Variants in PTX3 observed in about 807,000 individuals in gnomAD.
PTX3 encodes pentraxin-related protein PTX3.
In PTX3, 24 loss-of-function variants were observed where a neutral mutation model predicts 23.5. The ratio of observed to expected loss-of-function variants is 1.02; its 90% CI spans 0.74 to 1.43. The LOEUF is 1.43. Among genes scored for constraint, PTX3 ranks in the 40% most tolerant of loss-of-function variants. The probability of loss-of-function intolerance (pLI) is 0.00; values close to 1 mark genes in which losing one functional copy is unlikely to be tolerated. For synonymous variants in PTX3, 218 were observed against 205.4 expected (o/e 1.06, Z -0.53); for missense variants, 510 against 497.5 (o/e 1.02, Z -0.24).
chr3:157,442,930 G>A lies in PTX3; in HGVS notation c.1097G>A (p.Trp366Ter). 2 of 1,614,016 alleles carry A rather than the reference G, an allele frequency of 1.2e-6. No homozygotes were observed. The highest frequency in any genetic ancestry group is 2.2e-5 in the East Asian group (1 of 44,888). Residue 366 changes from tryptophan (W) to a stop codon, truncating the protein, a stop_gained, in exon 3 of 3, where the codon TGG becomes TAG. Transcript: ENST00000295927. LOFTEE classifies it high-confidence loss of function. ...SCHIRGNIVG[W>*]GVTEIQPHGG... is the part of the protein sequence containing the mutation. ...CACATCCGGGGGAATATTGTTGGGTGGGGAGTCACAGAGATCCAGCCACAT... is the reference window on the plus strand; with the variant it reads ...CACATCCGGGGGAATATTGTTGGGTAGGGAGTCACAGAGATCCAGCCACAT...
At chr3:157,439,850 A>T (rs966960607) in intron 2 of PTX3, among the ~76,000 whole-genome samples, 1 of 151,950 alleles carries the variant, frequency 6.6e-6, no homozygotes, top group African/African-American at 2.4e-5. Context: ...TCCCGGGTTC[A>T]CTCCATTCTC....
At chr3:157,437,173 C>T in intron 1 of PTX3, 110 bp downstream of exon 1, 1 of 1,407,042 alleles carries the variant, frequency 7.1e-7, no homozygotes, top group Non-Finnish European at 9.9e-7. Flanking sequence ...AAATTTATAG[C>T]TTGTTATGCA....
At position 157,442,646 on chromosome 3, in the gene PTX3, C is replaced by A; in HGVS notation, c.813C>A (p.Cys271Ter). 3.7e-6 allele frequency: 6 copies of A among 1,614,140 alleles called. No individual in the cohort carries two copies. The highest frequency in any genetic ancestry group is 5.1e-6 in the Non-Finnish European group (6 of 1,180,028). ...CCCTGGGAAGGTGGACCCACCTGTG[C>A]GGCACCTGGAATTCAGAGGAAGGGC... ...MVSLGRWTHL[C>*]GTWNSEEGLT... The change falls in exon 3 of 3, where the codon TGC becomes TGA. Residue 271 changes from cysteine (C) to a stop codon, truncating the protein, a stop_gained. Transcript: ENST00000295927. LOFTEE classifies it high-confidence loss of function.
In PTX3 at chr3:157,441,809, C is replaced by CAA. The variant is rs34525960; in HGVS notation, c.533-543_533-542dup. Among the ~76,000 whole-genome samples the CAA allele has an allele frequency of 3.2e-3, 396 of 125,412 alleles. 3 individuals carry two copies. Among genetic ancestry groups the CAA allele is most frequent in the South Asian group, 9.2e-3 (37 of 4,012 alleles). 82.3% of individuals were successfully genotyped at this position (125,412 alleles called of 152,430 possible). A position where few individuals can be genotyped will look rare whatever the true frequency, so the allele number is the denominator to read the frequency against. ...TGGGTGACAGAGTGAGACTCTGTCT[C>CAA]AAAAAAAAAAAAAAATGTATTCTGC... On this transcript the variant is annotated intron_variant, in intron 2 of 2. Transcript: ENST00000295927.
At position 157,436,878 on chromosome 3, in the gene PTX3, C is replaced by A; in HGVS notation, c.-56C>A. The A allele has an allele frequency of 1.3e-6, 2 of 1,586,484 alleles. No individual in the cohort carries two copies. Among genetic ancestry groups the A allele is most frequent in the Non-Finnish European group, 1.7e-6 (2 of 1,163,414 alleles). Reference sequence around the variant, plus strand: ...CTCACTCTCCTCCGCTCAAACTCAGCTCACTTGAGAGTCTCCTCCCGCCAG... The same window carrying A: ...CTCACTCTCCTCCGCTCAAACTCAGATCACTTGAGAGTCTCCTCCCGCCAG... On this transcript the variant is annotated 5_prime_UTR_variant, in exon 1 of 3. Transcript: ENST00000295927.
At position 157,437,867 on chromosome 3, in the gene PTX3, A is replaced by C; in HGVS notation, c.485A>C (p.Asp162Ala). The change falls in exon 2 of 3, where the codon GAC becomes GCC. Residue 162 changes from aspartate (D) to alanine (A), a missense_variant. By Grantham distance (126) the Asp-to-Ala change is moderately radical. Coordinates refer to ENST00000295927, the MANE Select transcript of PTX3 (RefSeq NM_002852.4). ...VLEELRQTRA[D>A]LHAVQGWAAR... ...GAGGAGCTGCGGCAGACGCGAGCCG[A>C]CCTGCACGCGGTGCAGGGCTGGGCT... 1 of 1,502,766 alleles carries C rather than the reference A, an allele frequency of 6.7e-7. No homozygotes were observed. The highest frequency in any genetic ancestry group is 1.4e-5 in the African/African-American group (1 of 69,228). 93.1% of individuals were successfully genotyped at this position (1,502,766 alleles called of 1,614,324 possible).
At chr3:157,440,673 C>T (rs1367648786) in intron 2 of PTX3, among the ~76,000 whole-genome samples, 3 of 151,368 alleles carry the variant, frequency 2.0e-5, no homozygotes, top group Non-Finnish European at 2.9e-5. Flanking sequence ...TGTATATATA[C>T]GTATACATAC....
At chr3:157,441,655 C>T (rs542825339) in intron 2 of PTX3, among the ~76,000 whole-genome samples, 1 of 151,670 alleles carries the variant, frequency 6.6e-6, no homozygotes, top group African/African-American at 2.4e-5. Flanking sequence ...AAAAAAAATA[C>T]AATAGTTAGC....
In PTX3 at chr3:157,443,092, GA is replaced by G; in HGVS notation, c.*114del. On this transcript the variant is annotated 3_prime_UTR_variant, in exon 3 of 3. Coordinates refer to ENST00000295927, the MANE Select transcript of PTX3 (RefSeq NM_002852.4). ...ATAGGAACACTTGAGACTAATGAAA[GA>G]GAGAGTTGAGACCAATCTTTATTTG... is the stretch of plus-strand genomic sequence containing the variant. The G allele has an allele frequency of 2.4e-6, 3 of 1,239,214 alleles. No homozygotes were observed. In the South Asian group the frequency reaches 4.8e-5, roughly 20 times the overall value. The allele number at this position is 1,239,214 out of a possible 1,614,324, so 76.8% of individuals were successfully genotyped here.
At chr3:157,439,860 C>T (rs145003006) in intron 2 of PTX3, among the ~76,000 whole-genome samples, 2,211 of 152,314 alleles carry the variant, frequency 0.015, 53 homozygotes, top group African/African-American at 0.05. Flanking sequence ...ACTCCATTCT[C>T]CTGCCTCAGC....
At chr3:157,438,020 AGCGCGCGCGCGC>A (rs113324549) in intron 2 of PTX3, 106 bp downstream of exon 2, 1 of 836,442 alleles carries the variant, frequency 1.2e-6, no homozygotes, top group Non-Finnish European at 1.7e-6. Flanking sequence ...TTTCATGGGA[AGCGCGCGCGCGC>A]GCGCGCACAC....
intron 2 of PTX3, 89 bp from the exon 3 acceptor site, chr3:157,442,277 A>C (rs1734183706): frequency 2.5e-6 from 3 of 1,222,932 alleles, no homozygotes; most frequent in Non-Finnish European, 1.1e-6. Flanking sequence ...GTAATAATTA[A>C]AATTCTTATG....
chr3:157,441,692 C>T (rs1734129359), intron 2 of PTX3, among the ~76,000 whole-genome samples: 2 of 151,972 alleles, frequency 1.3e-5, no homozygotes. Context: ...CACCTGTAGT[C>T]CCAGCTACTC....
chr3:157,439,510 C>T (rs1733943779), intron 2 of PTX3, among the ~76,000 whole-genome samples: 1 of 152,132 alleles, frequency 6.6e-6, no homozygotes, highest in Non-Finnish European at 1.5e-5. Flanking sequence ...GAGTTTCTGA[C>T]ATTTTAAAGA....
Position 157,442,926 on chromosome 3 carries a change from G to C in PTX3, c.1093G>C (p.Gly365Arg). The stretch of plus-strand genomic sequence containing the variant: ...TTGTCACATCCGGGGGAATATTGTT[G>C]GGTGGGGAGTCACAGAGATCCAGCC... ...ESCHIRGNIV[G>R]WGVTEIQPHG... Residue 365 changes from glycine (G) to arginine (R), a missense_variant, in exon 3 of 3, where the codon GGG becomes CGG. Physicochemically the swap from Gly to Arg is moderately radical, Grantham distance 125 (BLOSUM62 -2). Coordinates refer to ENST00000295927, the MANE Select transcript of PTX3 (RefSeq NM_002852.4). The C allele has an allele frequency of 1.2e-6, 2 of 1,614,014 alleles. No homozygotes were observed. The highest frequency in any genetic ancestry group is 1.7e-6 in the Non-Finnish European group (2 of 1,179,906).
In PTX3 at chr3:157,443,067, A is replaced by G; in HGVS notation, c.*88A>G. On this transcript the variant is annotated 3_prime_UTR_variant, in exon 3 of 3. Transcript: ENST00000295927. The stretch of plus-strand genomic sequence containing the variant: ...GGAAGGTCTGAAAACTCAGTGCATA[A>G]TAGGAACACTTGAGACTAATGAAAG... The G allele has an allele frequency of 1.4e-6, 2 of 1,434,636 alleles. No individual in the cohort carries two copies. Among genetic ancestry groups the G allele is most frequent in the Non-Finnish European group, 1.9e-6 (2 of 1,065,418 alleles). The allele number at this position is 1,434,636 out of a possible 1,614,324, so 88.9% of individuals were successfully genotyped here.
intron 2 of PTX3, among the ~76,000 whole-genome samples, chr3:157,441,173 G>A (rs1043985056): frequency 6.6e-6 from 1 of 152,132 alleles, no homozygotes; most frequent in African/African-American, 2.4e-5. Context: ...GAAATCTAGG[G>A]GTTCTATTAA....
chr3:157,436,869 C>T lies in PTX3; in HGVS notation c.-65C>T, dbSNP rs1038582990. On this transcript the variant is annotated 5_prime_UTR_variant, in exon 1 of 3. Coordinates refer to ENST00000295927, the MANE Select transcript of PTX3 (RefSeq NM_002852.4). ...CCTCTCACTCTCACTCTCCTCCGCT[C>T]AAACTCAGCTCACTTGAGAGTCTCC... The T allele has an allele frequency of 3.5e-5, 55 of 1,568,000 alleles. No homozygotes were observed. Among genetic ancestry groups the T allele is most frequent in the Non-Finnish European group, 4.7e-5 (54 of 1,150,974 alleles).
chr3:157,438,031 G>GCA lies in PTX3; in HGVS notation c.532+118_532+119insAC, dbSNP rs1213951055. On this transcript the variant is annotated intron_variant, in intron 2 of 2. Transcript: ENST00000295927. Reference sequence around the variant, plus strand: ...AAGCTTTCATGGGAAGCGCGCGCGCGCGCGCGCACACACACACACACACAC... The same window carrying GCA: ...AAGCTTTCATGGGAAGCGCGCGCGCGCACGCGCGCACACACACACACACACAC... The GCA allele has an allele frequency of 4.2e-4, 346 of 820,210 alleles. 1 individual carries two copies. The African/African-American group carries it at 6.1e-3, about 15-fold the overall frequency. The allele number at this position is 820,210 out of a possible 1,614,324, so 50.8% of individuals were successfully genotyped here. A position where few individuals can be genotyped will look rare whatever the true frequency, so the allele number is the denominator to read the frequency against.
Sources: allele counts gnomAD v4.1 joint callset (sites outside exome capture counted in the v4.1 genomes callset), GRCh38; gene constraint gnomAD v4.1.1; transcripts MANE v1.5; gene names NCBI Gene and HGNC (gene_info 2026-07-23, HGNC 2026-07-21).